Variants in WDPCP observed in about 807,000 individuals in gnomAD.
WDPCP encodes WD repeat-containing and planar cell polarity effector protein fritz homolog.
Under a neutral mutation model 93.1 loss-of-function variants are expected in WDPCP, and 71 were observed. The observed-to-expected ratio is 0.76, with a 90% CI of 0.63 to 0.93. WDPCP has a LOEUF of 0.93. WDPCP is among the 40% of genes least tolerant of loss of function. The probability of loss-of-function intolerance (pLI) is 0.00; values close to 1 mark genes in which losing one functional copy is unlikely to be tolerated. For missense variants in WDPCP, 844 were observed against 887.4 expected (o/e 0.95, Z 0.62); for synonymous variants, 315 against 315.0 (o/e 1.00, Z 0.00).
At chr2:63,437,949 T>C in intron 7 of WDPCP, 4 of 1,532,370 alleles carry the variant, frequency 2.6e-6, no homozygotes, top group Non-Finnish European at 3.5e-6. Context: ...GAGGATAAAG[T>C]GGATTTATTA....
At chr2:63,494,185 T>C (rs1701062751) in intron 1 of WDPCP, among the ~76,000 whole-genome samples, 1 of 152,086 alleles carries the variant, frequency 6.6e-6, no homozygotes, top group Non-Finnish European at 1.5e-5. Context: ...GGCCCAATCC[T>C]GCCTGAACAG....
chr2:63,678,210 T>C (rs1710447048), intron 2 of WDPCP, among the ~76,000 whole-genome samples: 1 of 152,206 alleles, frequency 6.6e-6, no homozygotes, highest in African/African-American at 2.4e-5. Flanking sequence ...CTTTCAGTAT[T>C]ATGGTCAACA....
rs17348221 is a variant in WDPCP, at chr2:63,240,780, A to C, written c.1915+18527T>G. Reference sequence around the variant, plus strand: ...CAGAGAAAGAGGTTTGAGACTTTCAACTCCTGTCTCAGAAAGAAAAACAGA... The same window carrying C: ...CAGAGAAAGAGGTTTGAGACTTTCACCTCCTGTCTCAGAAAGAAAAACAGA... On this transcript the variant is annotated intron_variant, in intron 14 of 17. Transcript: ENST00000272321. Among the ~76,000 whole-genome samples the C allele has an allele frequency of 7.0e-3, 1,063 of 152,216 alleles. 8 individuals are homozygous for C. The highest frequency in any genetic ancestry group is 0.011 in the Non-Finnish European group (738 of 68,004).
chr2:63,337,363 A>G (rs554874848), intron 12 of WDPCP, among the ~76,000 whole-genome samples: 1 of 152,276 alleles, frequency 6.6e-6, no homozygotes, highest in East Asian at 1.9e-4. Context: ...TATATATACC[A>G]CATTTTCTTT....
chr2:63,707,954 C>A (rs139626458), intron 2 of WDPCP, among the ~76,000 whole-genome samples: 1 of 152,186 alleles, frequency 6.6e-6, no homozygotes, highest in Non-Finnish European at 1.5e-5. Context: ...TATTGGTGAA[C>A]TGCAGATGCT....
chr2:63,286,765 G>A (rs1359868860), intron 13 of WDPCP, among the ~76,000 whole-genome samples: 1 of 152,122 alleles, frequency 6.6e-6, no homozygotes, highest in East Asian at 1.9e-4. Context: ...AGATATTCTA[G>A]CTAGCTTATT....
intron 9 of WDPCP, among the ~76,000 whole-genome samples, chr2:63,419,131 G>C (rs1268719416): frequency 2.0e-5 from 3 of 151,962 alleles, no homozygotes; most frequent in Non-Finnish European, 4.4e-5. Flanking sequence ...TTATCCTTCA[G>C]TGTATCTTTT....
At chr2:63,402,416 G>A (rs573254319) in intron 10 of WDPCP, among the ~76,000 whole-genome samples, 1 of 152,138 alleles carries the variant, frequency 6.6e-6, no homozygotes, top group Admixed American at 6.5e-5. Context: ...AAACCACCAT[G>A]GCACATGTAT....
intron 10 of WDPCP, among the ~76,000 whole-genome samples, chr2:63,382,521 T>C (rs1238088473): frequency 2.0e-5 from 3 of 152,168 alleles, no homozygotes; most frequent in Non-Finnish European, 4.4e-5. Context: ...AATCTTTTTT[T>C]CTTCAATGTT....
At chr2:63,243,588 A>G (rs1680034213) in intron 14 of WDPCP, among the ~76,000 whole-genome samples, 2 of 152,172 alleles carry the variant, frequency 1.3e-5, no homozygotes, top group South Asian at 4.1e-4. Context: ...ACTTTAAACC[A>G]GCAAGCATCA....
At chr2:63,561,781 C>A (rs921455308) in intron 1 of WDPCP, among the ~76,000 whole-genome samples, 6 of 152,192 alleles carry the variant, frequency 3.9e-5, no homozygotes, top group Admixed American at 3.3e-4. Flanking sequence ...AGCTAGACAT[C>A]ACTAATCATT....
intron 6 of WDPCP, among the ~76,000 whole-genome samples, chr2:63,468,818 A>C (rs1699518843): frequency 6.6e-6 from 1 of 152,054 alleles, no homozygotes; most frequent in Non-Finnish European, 1.5e-5. Context: ...TTTCCATTGG[A>C]TTATTCTCAT....
At chr2:63,495,941 G>A (rs1280890438) in intron 1 of WDPCP, among the ~76,000 whole-genome samples, 4 of 152,146 alleles carry the variant, frequency 2.6e-5, no homozygotes, top group Non-Finnish European at 5.9e-5. Context: ...ATTTGAATTA[G>A]GACATGCAAA....
intron 17 of WDPCP, among the ~76,000 whole-genome samples, chr2:63,146,976 A>G (rs939546150): frequency 2.0e-5 from 3 of 152,356 alleles, no homozygotes; most frequent in African/African-American, 7.2e-5. Context: ...AACTAGTGTT[A>G]CTGAGAAGGT....
chr2:63,472,511 A>C (rs1699752886), intron 6 of WDPCP, among the ~76,000 whole-genome samples: 1 of 151,838 alleles, frequency 6.6e-6, no homozygotes, highest in Non-Finnish European at 1.5e-5. Context: ...TATCTTTCAA[A>C]TGTATTAATT....
intron 9 of WDPCP, among the ~76,000 whole-genome samples, chr2:63,425,756 A>G (rs1388969283): frequency 1.3e-5 from 2 of 152,212 alleles, no homozygotes; most frequent in African/African-American, 4.8e-5. Context: ...ACTCACTGGC[A>G]TTTCTCAGAG....
chr2:63,179,085 C>G (rs1336993350), intron 14 of WDPCP, among the ~76,000 whole-genome samples: 1 of 151,514 alleles, frequency 6.6e-6, no homozygotes, highest in African/African-American at 2.4e-5. Flanking sequence ...CCTGTAGTTG[C>G]AGTTACTCAG....
chr2:63,366,940 A>T (rs1490417662), intron 12 of WDPCP, among the ~76,000 whole-genome samples: 1 of 152,050 alleles, frequency 6.6e-6, no homozygotes, highest in Non-Finnish European at 1.5e-5. Context: ...AATAGGAATT[A>T]TATATGGTTA....
intron 6 of WDPCP, among the ~76,000 whole-genome samples, chr2:63,446,373 T>G (rs1430287339): frequency 6.6e-6 from 1 of 152,230 alleles, no homozygotes; most frequent in Non-Finnish European, 1.5e-5. Flanking sequence ...GGGATGATTT[T>G]GGCCACCAGG....
Sources: gnomAD v4.1 joint callset for allele counts (sites outside exome capture counted in the v4.1 genomes callset) on GRCh38, gnomAD v4.1.1 for gene constraint, MANE v1.5 for transcripts, NCBI Gene and HGNC (gene_info 2026-07-23, HGNC 2026-07-21) for gene names.